The following CEP43 variants were observed in gnomAD, a reference collection of about 807,000 sequenced individuals.
CEP43 encodes the protein centrosomal protein 43.
CEP43 carries 36 observed loss-of-function variants against 52.6 expected under a neutral mutation model. The observed-to-expected ratio is 0.68, with a 90% confidence interval of 0.52 to 0.90. The LOEUF (loss-of-function observed/expected upper bound fraction) is 0.90, where lower values mean the gene tolerates loss of function less well. Ranked by LOEUF, CEP43 falls within the 40% of genes least tolerant of loss-of-function variation. The pLI, the probability that CEP43 is intolerant of heterozygous loss-of-function variation, is 0.00. For missense variants in CEP43, 506 were observed against 472.8 expected (o/e 1.07, Z -0.65); for synonymous variants, 192 against 172.4 (o/e 1.11, Z -0.89).
At chr6:167,022,712 TAATG>T in intron 8 of CEP43, 77 bp downstream of exon 8, 1 of 936,672 alleles carries the variant, frequency 1.1e-6, no homozygotes, top group Non-Finnish European at 1.6e-6. Context: ...AGTTAAAAAA[TAATG>T]AACTATGGAA....
chr6:167,000,330 A>G (rs1242025634), intron 2 of CEP43, among the ~76,000 whole-genome samples: 1 of 152,228 alleles, frequency 6.6e-6, no homozygotes, highest in African/African-American at 2.4e-5. Flanking sequence ...TAACTCTGAT[A>G]CTAATGCTTA....
intron 11 of CEP43, among the ~76,000 whole-genome samples, chr6:167,033,097 C>CTTTTTTTT (rs1562533056): frequency 4.2e-5 from 4 of 94,522 alleles, no homozygotes; most frequent in Admixed American, 1.4e-4. Flanking sequence ...GATTGCCATT[C>CTTTTTTTT]TCTTTTTTTT....
At chr6:167,005,910 G>A (rs1050371768) in intron 5 of CEP43, among the ~76,000 whole-genome samples, 5 of 152,070 alleles carry the variant, frequency 3.3e-5, no homozygotes, top group African/African-American at 1.2e-4. Flanking sequence ...CATTGCAGTG[G>A]TGTTTATGCA....
At chr6:167,020,951 A>C (rs1418515498) in intron 7 of CEP43, among the ~76,000 whole-genome samples, 1 of 148,172 alleles carries the variant, frequency 6.7e-6, no homozygotes, top group African/African-American at 2.5e-5. Flanking sequence ...GACTGGGTGT[A>C]GTTTGTGCTT....
chr6:166,999,656 C>T (rs1779680116), intron 1 of CEP43, 142 bp downstream of exon 1: 1 of 531,470 alleles, frequency 1.9e-6, no homozygotes, highest in Non-Finnish European at 3.1e-6. Context: ...CCCGGCATGG[C>T]CTCCGTCCTG....
intron 6 of CEP43, among the ~76,000 whole-genome samples, chr6:167,012,452 T>C (rs761915018): frequency 1.3e-5 from 2 of 152,158 alleles, no homozygotes; most frequent in Admixed American, 1.3e-4. Context: ...TTTCTTTAAA[T>C]TAATTGCAAA....
In CEP43 at chr6:167,043,454, C is replaced by G. The variant is rs1418999380; in HGVS notation, c.*3476C>G. 1 of 147,892 alleles carries G rather than the reference C, an allele frequency of 6.8e-6. No individual in the cohort carries two copies. Among genetic ancestry groups the G allele is most frequent in the Non-Finnish European group, 1.5e-5 (1 of 67,596 alleles). 9.2% of individuals were successfully genotyped at this position (147,892 alleles called of 1,614,324 possible). ...GGAGTGCCATGGGGCGACCTCGGCT[C>G]ACTGCAACCCCTGCCTTCTGGGTTC... On this transcript the variant is annotated 3_prime_UTR_variant, in exon 13 of 13. Coordinates refer to ENST00000366847, the MANE Select transcript of CEP43 (RefSeq NM_007045.4).
At position 167,041,984 on chromosome 6, in the gene CEP43, C is replaced by T. The variant is rs1177310399; in HGVS notation, c.*2006C>T. On this transcript the variant is annotated 3_prime_UTR_variant, in exon 13 of 13. Coordinates refer to ENST00000366847, the MANE Select transcript of CEP43 (RefSeq NM_007045.4). ...GATTACAGGTGCACACCACCACGCC[C>T]GGCTAATTTTTGTATTTTTAGTAGA... 18 of 413,094 alleles carry T rather than the reference C, an allele frequency of 4.4e-5. No homozygotes were observed. Among genetic ancestry groups the T allele is most frequent in the South Asian group, 1.0e-4 (1 of 9,776 alleles). The allele number at this position is 413,094 out of a possible 1,614,324, so 25.6% of individuals were successfully genotyped here. A position where few individuals can be genotyped will look rare whatever the true frequency, so the allele number is the denominator to read the frequency against.
rs563527040 is a variant in CEP43 at position 167,032,507 on chromosome 6, G to A, written c.989-96G>A. ...TCTAGTCTGGGACTTTTTAAATGAT[G>A]CAATATAATTAATTTTTTTTAAGGA... On this transcript the variant is annotated intron_variant, in intron 10 of 12. Transcript: ENST00000366847. 1.1e-4 allele frequency: 118 copies of A among 1,113,242 alleles called. 2 individuals are homozygous for A. The South Asian group carries it at 2.4e-3, about 23-fold the overall frequency. 69.0% of individuals were successfully genotyped at this position (1,113,242 alleles called of 1,614,324 possible). A position where few individuals can be genotyped will look rare whatever the true frequency, so the allele number is the denominator to read the frequency against.
chr6:167,025,837 G>A (rs1479777543), intron 9 of CEP43, among the ~76,000 whole-genome samples: 1 of 152,204 alleles, frequency 6.6e-6, no homozygotes, highest in African/African-American at 2.4e-5. Context: ...ATTTAGAGAG[G>A]ACGTTGAGAA....
Position 167,013,488 on chromosome 6 carries a change from C to T in CEP43, c.520-20C>T, listed in dbSNP as rs530137260. On this transcript the variant is annotated intron_variant, in intron 6 of 12. Transcript: ENST00000366847. ...AGATTTCTATTTTGTGGTAAAATCTCATTTTATTCTCATGCTCAGATACCA... is the reference window on the plus strand; with the variant it reads ...AGATTTCTATTTTGTGGTAAAATCTTATTTTATTCTCATGCTCAGATACCA... The T allele has an allele frequency of 3.8e-6, 6 of 1,596,348 alleles. No homozygotes were observed. Among genetic ancestry groups the T allele is most frequent in the Non-Finnish European group, 5.1e-6 (6 of 1,167,324 alleles).
At chr6:167,021,133 T>C (rs1218085388) in intron 7 of CEP43, among the ~76,000 whole-genome samples, 1 of 152,058 alleles carries the variant, frequency 6.6e-6, no homozygotes, top group Admixed American at 6.6e-5. Context: ...CCAGATTCCT[T>C]GTTTCAGTTG....
intron 12 of CEP43, among the ~76,000 whole-genome samples, chr6:167,038,992 T>G (rs1444415360): frequency 6.6e-6 from 1 of 152,200 alleles, no homozygotes; most frequent in Non-Finnish European, 1.5e-5. Flanking sequence ...CATTGTATCA[T>G]TCTTATGCCA....
At position 167,048,932 on chromosome 6, in the gene CEP43, A is replaced by G. The variant is rs901385638; in HGVS notation, c.*8954A>G. The G allele has an allele frequency of 3.9e-5, 6 of 152,240 alleles. No individual in the cohort carries two copies. The highest frequency in any genetic ancestry group is 1.4e-4 in the African/African-American group (6 of 41,452). The allele number at this position is 152,240 out of a possible 1,614,324, so 9.4% of individuals were successfully genotyped here. A position where few individuals can be genotyped will look rare whatever the true frequency, so the allele number is the denominator to read the frequency against. ...AATTCTAGTACTTTCATGACATTTT[A>G]AAAAAGGGATTGTAAAGACTGATGA... On this transcript the variant is annotated 3_prime_UTR_variant, in exon 13 of 13. Coordinates refer to ENST00000366847, the MANE Select transcript of CEP43 (RefSeq NM_007045.4).
intron 2 of CEP43, among the ~76,000 whole-genome samples, chr6:167,000,929 G>GAAGA (rs1206899272): frequency 1.3e-5 from 2 of 152,366 alleles, no homozygotes; most frequent in East Asian, 3.9e-4. Context: ...TGCTCTTGGA[G>GAAGA]AAGAGTCAGT....
In CEP43 at chr6:167,047,655, T is replaced by A. The variant is rs939546600; in HGVS notation, c.*7677T>A. 2.0e-5 allele frequency: 3 copies of A among 152,200 alleles called. No individual in the cohort carries two copies. Among genetic ancestry groups the A allele is most frequent in the African/African-American group, 7.2e-5 (3 of 41,452 alleles). 9.4% of individuals were successfully genotyped at this position (152,200 alleles called of 1,614,324 possible). On this transcript the variant is annotated 3_prime_UTR_variant, in exon 13 of 13. Coordinates refer to ENST00000366847, the MANE Select transcript of CEP43 (RefSeq NM_007045.4). ...ATGATTGTTCAGTTTCTGATGAATG[T>A]CTGTTCCCCTTTCAAAACCTAATTC... is the stretch of plus-strand genomic sequence containing the variant.
In CEP43 at chr6:167,022,591, T is replaced by C; in HGVS notation, c.762T>C (p.Ser254=). Residue 254 remains serine, a synonymous_variant, in exon 8 of 13, where the codon TCT becomes TCC. Transcript: ENST00000366847. ...ATGAAGATGATATGGAAGGAGATTCTTTCTTTGATGATCCCATTCCTAAGC... is the reference window on the plus strand; with the variant it reads ...ATGAAGATGATATGGAAGGAGATTCCTTCTTTGATGATCCCATTCCTAAGC... ...CPDEDDMEGD[S]FFDDPIPKPE... is the part of the protein sequence containing the mutation. 6.2e-7 allele frequency: 1 copy of C among 1,614,164 alleles called. No homozygotes were observed. The highest frequency in any genetic ancestry group is 1.1e-5 in the South Asian group (1 of 91,078).
At chr6:167,017,586 CTT>C (rs776739102) in intron 7 of CEP43, among the ~76,000 whole-genome samples, 11 of 131,506 alleles carry the variant, frequency 8.4e-5, no homozygotes, top group African/African-American at 1.7e-4. Context: ...GAAAAAAATT[CTT>C]TTTTTTTTTT....
rs1202720257 is a variant in CEP43, at chr6:167,052,142, A to G, written c.*12164A>G. The G allele has an allele frequency of 6.6e-6, 1 of 152,210 alleles. No homozygotes were observed. Among genetic ancestry groups the G allele is most frequent in the Non-Finnish European group, 1.5e-5 (1 of 68,044 alleles). The allele number at this position is 152,210 out of a possible 1,614,324, so 9.4% of individuals were successfully genotyped here. A position where few individuals can be genotyped will look rare whatever the true frequency, so the allele number is the denominator to read the frequency against. On this transcript the variant is annotated 3_prime_UTR_variant, in exon 13 of 13. Coordinates refer to ENST00000366847, the MANE Select transcript of CEP43 (RefSeq NM_007045.4). ...ACAATCTCCTTCTCAGTTTATCAGA[A>G]TCTACTTAAGTTTATACTAACTTAT...
Sources: allele counts gnomAD v4.1 joint callset (sites outside exome capture counted in the v4.1 genomes callset), GRCh38; gene constraint gnomAD v4.1.1; transcripts MANE v1.5; gene names NCBI Gene and HGNC (gene_info 2026-07-23, HGNC 2026-07-21).